Variants in STS observed in about 807,000 individuals in gnomAD.
STS encodes the protein steroid sulfatase.
Under a neutral mutation model 26.8 loss-of-function variants are expected in STS, and 7 were observed. The observed-to-expected ratio is 0.26, with a 90% CI of 0.15 to 0.49. The LOEUF (loss-of-function observed/expected upper bound fraction) is 0.49, where lower values mean the gene tolerates loss of function less well. Among genes scored for constraint, STS ranks in the 20% least tolerant of loss-of-function variants. The pLI, the probability that STS is intolerant of heterozygous loss-of-function variation, is 0.98. For synonymous variants in STS, 199 were observed against 189.4 expected, an observed-to-expected ratio of 1.05 and a Z score of -0.42; for missense variants, 434 against 465.6, an observed-to-expected ratio of 0.93 and a Z score of 0.63.
chrX:7,204,531 C>T (rs988081132), intron 2 of STS, among the ~76,000 whole-genome samples: 5 of 88,891 alleles, frequency 5.6e-5, no homozygotes, highest in African/African-American at 2.1e-4. Context: ...CTCCCTCCCT[C>T]CCTCCCTCCT....
chrX:7,231,683 G>A (rs1307224554), intron 2 of STS, among the ~76,000 whole-genome samples: 1 of 111,059 alleles, frequency 9.0e-6, no homozygotes, highest in Non-Finnish European at 1.9e-5. Flanking sequence ...TGGCATTATC[G>A]GTACTGCACA....
chrX:7,310,909 G>A (rs1459990222), intron 8 of STS, among the ~76,000 whole-genome samples: 2 of 111,355 alleles, frequency 1.8e-5, no homozygotes, highest in Non-Finnish European at 3.8e-5. Context: ...ATGTCATCTC[G>A]GAAAGATGCA....
intron 8 of STS, among the ~76,000 whole-genome samples, chrX:7,309,044 C>T (rs1203991808): frequency 1.8e-5 from 2 of 111,489 alleles, no homozygotes; most frequent in African/African-American, 6.5e-5. Context: ...GAATCTCGCT[C>T]TGCCACCCAG....
At chrX:7,319,655 T>A (rs1458395007) in intron 8 of STS, among the ~76,000 whole-genome samples, 1 of 109,857 alleles carries the variant, frequency 9.1e-6, no homozygotes, top group Non-Finnish European at 1.9e-5. Context: ...TTAATTCTAC[T>A]GTTCACATGT....
At position 7,259,733 on chromosome X, in the gene STS, C is replaced by T; in HGVS notation, c.767C>T (p.Thr256Ile). 8.3e-7 allele frequency: 1 copy of T among 1,211,453 alleles called. No individual in the cohort carries two copies. Among genetic ancestry groups the T allele is most frequent in the Non-Finnish European group, 1.1e-6 (1 of 895,456 alleles). The change falls in exon 6 of 11, where the codon ACC (threonine) becomes ATC (isoleucine). Residue 256 changes from threonine to isoleucine, a missense_variant. By Grantham distance (89) the Thr-to-Ile change is moderately conservative. Coordinates refer to ENST00000674429, the MANE Select transcript of STS (RefSeq NM_001320752.2). ...CAGCCCATGTCCTATGACAATCTCA[C>T]CCAGAGGCTAACGGTGGAGGCGGCC... ...IQQPMSYDNL[T>I]QRLTVEAAQF...
chrX:7,215,583 G>A lies in STS; in HGVS notation c.-5+24575G>A, dbSNP rs1921276198. The stretch of plus-strand genomic sequence containing the variant: ...GGAACCCCTCTACCTATCCCCACCT[G>A]TTCTCTACCCTGGAAGAAGCCCAGG... On this transcript the variant is annotated intron_variant, in intron 2 of 10. Transcript: ENST00000674429. 3.6e-5 allele frequency among the ~76,000 whole-genome samples: 4 copies of A among 111,361 alleles called. No individual in the cohort carries two copies. In the South Asian group the frequency reaches 1.1e-3, roughly 32 times the overall value.
chrX:7,199,319 G>A (rs1335828197), intron 2 of STS, among the ~76,000 whole-genome samples: 1 of 111,694 alleles, frequency 9.0e-6, no homozygotes, highest in Non-Finnish European at 1.9e-5. Flanking sequence ...TAGGGTCACA[G>A]CCTTCTAATT....
At chrX:7,202,280 T>C (rs1300056250) in intron 2 of STS, among the ~76,000 whole-genome samples, 1 of 111,868 alleles carries the variant, frequency 8.9e-6, no homozygotes, top group African/African-American at 3.2e-5. Context: ...TCTTGGAGTA[T>C]CTTTGTTATT....
At chrX:7,161,882 A>G (rs745491449) in intron 1 of STS, among the ~76,000 whole-genome samples, 6 of 111,901 alleles carry the variant, frequency 5.4e-5, no homozygotes, top group Non-Finnish European at 3.8e-5. Context: ...ATCTATAGTG[A>G]CATTACTATT....
At chrX:7,185,379 G>A (rs1933753602) in intron 1 of STS, among the ~76,000 whole-genome samples, 1 of 113,009 alleles carries the variant, frequency 8.8e-6, no homozygotes, top group Non-Finnish European at 1.9e-5. Flanking sequence ...AAAAGTAGGT[G>A]TATAAAGGAA....
intron 2 of STS, among the ~76,000 whole-genome samples, chrX:7,233,132 C>T (rs1310279574): frequency 7.4e-5 from 6 of 81,329 alleles, no homozygotes; most frequent in Non-Finnish European, 1.1e-4. Context: ...CTCACTTCTT[C>T]GCCCAGGCTG....
At chrX:7,320,820 G>A (rs950464193) in intron 8 of STS, among the ~76,000 whole-genome samples, 25 of 111,653 alleles carry the variant, frequency 2.2e-4, no homozygotes, top group African/African-American at 7.5e-4. Context: ...TAAAATAAGG[G>A]GAAGAGTTTT....
chrX:7,337,852 G>A (rs1425088714), intron 10 of STS, among the ~76,000 whole-genome samples: 1 of 112,125 alleles, frequency 8.9e-6, no homozygotes, highest in Non-Finnish European at 1.9e-5. Flanking sequence ...TTAAGATGCA[G>A]TTTACCATTT....
rs1242236825 is a variant in STS at position 7,324,819 on chromosome X, C to G, written c.1082-520C>G. On this transcript the variant is annotated intron_variant, in intron 8 of 10. Transcript: ENST00000674429. Reference sequence around the variant, plus strand: ...TAGAATTTTATTTTTGGTTTACAACCCTATGATTATATTAGATCCACTCAG... The same window carrying G: ...TAGAATTTTATTTTTGGTTTACAACGCTATGATTATATTAGATCCACTCAG... Among the ~76,000 whole-genome samples the G allele has an allele frequency of 3.6e-5, 4 of 111,600 alleles. No individual in the cohort carries two copies. In the South Asian group the frequency reaches 1.1e-3, roughly 32 times the overall value.
At chrX:7,307,193 A>G (rs1305132046) in intron 8 of STS, among the ~76,000 whole-genome samples, 1 of 111,669 alleles carries the variant, frequency 9.0e-6, no homozygotes. Context: ...CATAATCAAT[A>G]TGTAATGTGG....
At chrX:7,344,123 T>C (rs1928417235) in intron 10 of STS, among the ~76,000 whole-genome samples, 1 of 111,980 alleles carries the variant, frequency 8.9e-6, no homozygotes. Flanking sequence ...TCTCAGAGGG[T>C]TCATGTGTAG....
intron 1 of STS, among the ~76,000 whole-genome samples, chrX:7,177,732 C>T (rs1330590989): frequency 9.1e-6 from 1 of 110,451 alleles, no homozygotes; most frequent in African/African-American, 3.3e-5. Flanking sequence ...CCAGGCTGGT[C>T]TCGAACTCCT....
intron 6 of STS, among the ~76,000 whole-genome samples, chrX:7,266,571 A>C (rs955259851): frequency 8.9e-6 from 1 of 112,186 alleles, no homozygotes; most frequent in Non-Finnish European, 1.9e-5. Flanking sequence ...CTATTATTAG[A>C]GAGCTGGATA....
chrX:7,184,517 G>A, intron 1 of STS, among the ~76,000 whole-genome samples: 1 of 112,093 alleles, frequency 8.9e-6, no homozygotes, highest in Non-Finnish European at 1.9e-5. Context: ...AATTCCAGGT[G>A]TTCTTCATGT....
Sources: gnomAD v4.1 joint callset for allele counts (sites outside exome capture counted in the v4.1 genomes callset) on GRCh38, gnomAD v4.1.1 for gene constraint, MANE v1.5 for transcripts, NCBI Gene and HGNC (gene_info 2026-07-23, HGNC 2026-07-21) for gene names.